Variants in SLC35F4 observed in about 807,000 individuals in gnomAD.
SLC35F4 encodes the protein solute carrier family 35 member F4, also known as chromosome 14 open reading frame 36.
In SLC35F4, 24 loss-of-function variants were observed where a neutral mutation model predicts 44.2. The observed-to-expected ratio is 0.54, with a 90% CI of 0.39 to 0.76. The LOEUF is 0.76. Among genes scored for constraint, SLC35F4 ranks in the 30% least tolerant of loss-of-function variants. SLC35F4 has a pLI of 0.00. For missense variants in SLC35F4, 562 were observed against 586.1 expected (o/e 0.96, Z 0.42); for synonymous variants, 238 against 223.6 (o/e 1.06, Z -0.57).
intron 2 of SLC35F4, among the ~76,000 whole-genome samples, chr14:57,591,780 T>C (rs1427031929): frequency 6.6e-6 from 1 of 152,210 alleles, no homozygotes; most frequent in Non-Finnish European, 1.5e-5. Context: ...AAGTGATACT[T>C]AAGAGAAAGG....
chr14:57,701,028 G>T (rs1362109355), intron 1 of SLC35F4, among the ~76,000 whole-genome samples: 1 of 151,996 alleles, frequency 6.6e-6, no homozygotes, highest in Non-Finnish European at 1.5e-5. Context: ...ATAAAGACAG[G>T]GTCTCACTAT....
At chr14:57,747,356 G>A (rs895463404) in intron 1 of SLC35F4, among the ~76,000 whole-genome samples, 2 of 152,146 alleles carry the variant, frequency 1.3e-5, no homozygotes, top group African/African-American at 4.8e-5. Flanking sequence ...GCCTACCTTT[G>A]CAATAAACAT....
intron 1 of SLC35F4, among the ~76,000 whole-genome samples, chr14:57,597,690 C>T (rs1566663976): frequency 6.6e-6 from 1 of 152,126 alleles, no homozygotes; most frequent in Admixed American, 6.6e-5. Flanking sequence ...CTTAATCAGG[C>T]AGAGGTTTAG....
At chr14:57,826,218 C>A (rs988801408) in intron 1 of SLC35F4, among the ~76,000 whole-genome samples, 3 of 152,124 alleles carry the variant, frequency 2.0e-5, no homozygotes, top group East Asian at 1.9e-4. Context: ...TGCACACCTA[C>A]AACCATCTGA....
intron 1 of SLC35F4, among the ~76,000 whole-genome samples, chr14:57,772,116 T>G (rs2077379389): frequency 6.6e-6 from 1 of 152,192 alleles, no homozygotes; most frequent in South Asian, 2.1e-4. Flanking sequence ...ACTTGAGGCT[T>G]AATATAATAT....
chr14:57,667,673 T>C (rs1252723496), intron 1 of SLC35F4, among the ~76,000 whole-genome samples: 18 of 152,030 alleles, frequency 1.2e-4, no homozygotes, highest in East Asian at 1.9e-4. Context: ...CTCATCCTTG[T>C]TTATGGCTGC....
At chr14:57,860,185 T>C (rs886686368) in intron 1 of SLC35F4, among the ~76,000 whole-genome samples, 10 of 152,186 alleles carry the variant, frequency 6.6e-5, no homozygotes, top group African/African-American at 2.4e-4. Context: ...GGTAGAGTTC[T>C]TTTTGAAATG....
At chr14:57,732,796 A>G (rs1195790196) in intron 1 of SLC35F4, among the ~76,000 whole-genome samples, 2 of 152,208 alleles carry the variant, frequency 1.3e-5, no homozygotes, top group Non-Finnish European at 2.9e-5. Context: ...ATCATACATC[A>G]AACTGTTCAT....
At chr14:57,746,405 T>G (rs567018824) in intron 1 of SLC35F4, among the ~76,000 whole-genome samples, 22 of 152,270 alleles carry the variant, frequency 1.4e-4, no homozygotes, top group Admixed American at 1.4e-3. Flanking sequence ...CTGTATTTTT[T>G]GTAATGATCA....
chr14:57,821,942 C>T (rs1393552375), intron 1 of SLC35F4, among the ~76,000 whole-genome samples: 1 of 152,210 alleles, frequency 6.6e-6, no homozygotes, highest in Non-Finnish European at 1.5e-5. Context: ...AGGAGGTGCC[C>T]ACTCTCAGGC....
At chr14:57,955,371 G>A (rs1324790568) in intron 1 of SLC35F4, among the ~76,000 whole-genome samples, 8 of 152,160 alleles carry the variant, frequency 5.3e-5, no homozygotes, top group Non-Finnish European at 1.0e-4. Flanking sequence ...CATTCCCTCT[G>A]AAAACAAGTA....
chr14:57,566,384 A>G (rs1452967849), intron 7 of SLC35F4, 91 bp downstream of exon 7: 1 of 1,238,888 alleles, frequency 8.1e-7, no homozygotes, highest in Non-Finnish European at 1.1e-6. Flanking sequence ...ATAATTCACA[A>G]TTTCTAGAAG....
chr14:57,752,232 T>A (rs2076901424), intron 1 of SLC35F4, among the ~76,000 whole-genome samples: 1 of 152,166 alleles, frequency 6.6e-6, no homozygotes. Context: ...ATTGCACTAA[T>A]TCCTTTATTT....
At chr14:57,748,610 C>T (rs1237391687) in intron 1 of SLC35F4, among the ~76,000 whole-genome samples, 6 of 152,154 alleles carry the variant, frequency 3.9e-5, no homozygotes, top group African/African-American at 1.4e-4. Context: ...TTATACAGTA[C>T]TAAGTTTTGA....
intron 1 of SLC35F4, among the ~76,000 whole-genome samples, chr14:57,847,654 C>T (rs1022073141): frequency 6.6e-6 from 1 of 152,040 alleles, no homozygotes; most frequent in Admixed American, 6.6e-5. Flanking sequence ...GTGCATAAAC[C>T]TTATGTGTAC....
At chr14:57,625,059 T>C (rs547313490) in intron 1 of SLC35F4, among the ~76,000 whole-genome samples, 1 of 152,266 alleles carries the variant, frequency 6.6e-6, no homozygotes, top group East Asian at 1.9e-4. Context: ...GAAAACCCCA[T>C]CATCTCAGCC....
chr14:57,589,337 A>C lies in SLC35F4; in HGVS notation c.466T>G (p.Phe156Val), dbSNP rs766558607. 1 of 1,614,000 alleles carries C rather than the reference A, an allele frequency of 6.2e-7. No homozygotes were observed. The highest frequency in any genetic ancestry group is 8.5e-7 in the Non-Finnish European group (1 of 1,179,894). Reference sequence around the variant, plus strand: ...CAAGTCATGAAAAATGGGCAATAGAAGTTCTTATAAGTAATTTTTACAATC... The same window carrying C: ...CAAGTCATGAAAAATGGGCAATAGACGTTCTTATAAGTAATTTTTACAATC... ...TQIVKITYKN[F>V]YCPFFMTWFS... The change falls in exon 3 of 8, where the codon TTC (phenylalanine) becomes GTC (valine). Residue 156 changes from phenylalanine to valine, a missense_variant. Coordinates refer to ENST00000556826, the MANE Select transcript of SLC35F4 (RefSeq NM_001306087.2).
At chr14:57,937,115 T>C (rs1220107743) in intron 1 of SLC35F4, among the ~76,000 whole-genome samples, 1 of 151,336 alleles carries the variant, frequency 6.6e-6, no homozygotes, top group Non-Finnish European at 1.5e-5. Flanking sequence ...TCACCCAGGC[T>C]GGAGTGCAAT....
intron 1 of SLC35F4, among the ~76,000 whole-genome samples, chr14:57,858,335 G>A (rs1012491019): frequency 3.3e-5 from 5 of 152,012 alleles, no homozygotes; most frequent in African/African-American, 1.2e-4. Flanking sequence ...ATACACCATG[G>A]AATACTATGA....
Sources: allele counts gnomAD v4.1 joint callset (sites outside exome capture counted in the v4.1 genomes callset), GRCh38; gene constraint gnomAD v4.1.1; transcripts MANE v1.5; gene names NCBI Gene and HGNC (gene_info 2026-07-23, HGNC 2026-07-21).